Variants in SH3RF3 observed in about 807,000 individuals in gnomAD.
SH3RF3 encodes the protein SH3 domain containing ring finger 3.
A neutral mutation model predicts 66.3 loss-of-function variants in SH3RF3; 29 were observed. The ratio of observed to expected loss-of-function variants is 0.44; its 90% CI spans 0.33 to 0.60. The LOEUF is 0.60. Among genes scored for constraint, SH3RF3 ranks in the 20% least tolerant of loss-of-function variants. The probability of loss-of-function intolerance (pLI) is 0.04; values close to 1 mark genes in which losing one functional copy is unlikely to be tolerated. For missense variants in SH3RF3, 1,194 were observed against 1,190.9 expected, an observed-to-expected ratio of 1.00 and a Z score of -0.04; for synonymous variants, 583 against 532.0, an observed-to-expected ratio of 1.10 and a Z score of -1.32.
intron 1 of SH3RF3, among the ~76,000 whole-genome samples, chr2:109,165,463 G>A (rs966739796): frequency 6.6e-6 from 1 of 152,218 alleles, no homozygotes; most frequent in Non-Finnish European, 1.5e-5. Flanking sequence ...GATGGAAGGG[G>A]AATAGAGAGA....
intron 1 of SH3RF3, among the ~76,000 whole-genome samples, chr2:109,249,465 T>TTCTC (rs1326673748): frequency 5.0e-4 from 63 of 125,706 alleles, no homozygotes; most frequent in African/African-American, 1.5e-3. Context: ...CTTTCTCTCT[T>TTCTC]TCTCTTTCTT....
intron 1 of SH3RF3, among the ~76,000 whole-genome samples, chr2:109,190,895 A>G (rs1678337403): frequency 6.6e-6 from 1 of 151,648 alleles, no homozygotes; most frequent in Non-Finnish European, 1.5e-5. Context: ...TAATCAGAAA[A>G]TATGAAGAGT....
chr2:109,143,832 A>ACG (rs1397348500), intron 1 of SH3RF3, among the ~76,000 whole-genome samples: 3 of 151,826 alleles, frequency 2.0e-5, no homozygotes, highest in Non-Finnish European at 2.9e-5. Flanking sequence ...ACACACACAC[A>ACG]CGTATATACA....
chr2:109,294,581 A>G lies in SH3RF3; in HGVS notation c.574-53093A>G, dbSNP rs571350622. Among the ~76,000 whole-genome samples, 32 of 112,586 alleles carry G rather than the reference A, an allele frequency of 2.8e-4. 1 individual carries two copies. The highest frequency in any genetic ancestry group is 4.4e-3 in the Middle Eastern group (1 of 228). 73.9% of individuals were successfully genotyped at this position (112,586 alleles called of 152,430 possible). A position where few individuals can be genotyped will look rare whatever the true frequency, so the allele number is the denominator to read the frequency against. On this transcript the variant is annotated intron_variant, in intron 1 of 9. Transcript: ENST00000309415. ...GTCTCAAAAAAAAAAAATTAATTAA[A>G]AAAAAGGTAAAAAAAAAAAAAAGAA...
At chr2:109,181,144 C>G (rs1678063894) in intron 1 of SH3RF3, among the ~76,000 whole-genome samples, 2 of 152,174 alleles carry the variant, frequency 1.3e-5, no homozygotes, top group Non-Finnish European at 2.9e-5. Context: ...TCCAGCTCGT[C>G]TGTGTTTGGT....
At chr2:109,280,327 G>C (rs1431926925) in intron 1 of SH3RF3, among the ~76,000 whole-genome samples, 1 of 152,194 alleles carries the variant, frequency 6.6e-6, no homozygotes, top group Non-Finnish European at 1.5e-5. Context: ...GCCCAGAGAG[G>C]GGGCCCCACA....
At chr2:109,274,853 A>C (rs1008788178) in intron 1 of SH3RF3, among the ~76,000 whole-genome samples, 1 of 151,962 alleles carries the variant, frequency 6.6e-6, no homozygotes, top group African/African-American at 2.4e-5. Flanking sequence ...AGATTACCAT[A>C]ATGTAAAATT....
chr2:109,327,353 C>T (rs1170855055), intron 1 of SH3RF3, among the ~76,000 whole-genome samples: 3 of 152,158 alleles, frequency 2.0e-5, no homozygotes, highest in African/African-American at 4.8e-5. Context: ...GTGTCTGGAC[C>T]CTCCCTTCAG....
At chr2:109,432,453 A>T in intron 5 of SH3RF3, 48 bp from the exon 6 acceptor site, 2 of 1,605,196 alleles carry the variant, frequency 1.2e-6, no homozygotes, top group East Asian at 2.3e-5. Context: ...CCGGTCCCCT[A>T]TCCCCAGGAG....
intron 4 of SH3RF3, among the ~76,000 whole-genome samples, chr2:109,409,180 A>C (rs1676525556): frequency 6.6e-6 from 1 of 152,160 alleles, no homozygotes; most frequent in South Asian, 2.1e-4. Flanking sequence ...TTCCTTGTTA[A>C]GCTTTTGATC....
intron 1 of SH3RF3, among the ~76,000 whole-genome samples, chr2:109,201,922 C>T (rs753436235): frequency 6.6e-6 from 1 of 152,178 alleles, no homozygotes; most frequent in Non-Finnish European, 1.5e-5. Flanking sequence ...AATACAAGGA[C>T]CCGTGGCATC....
rs117634051 is a variant in SH3RF3 at position 109,299,192 on chromosome 2, G to A, written c.574-48482G>A. On this transcript the variant is annotated intron_variant, in intron 1 of 9. Transcript: ENST00000309415. ...CACGGGGCCTCCTCTGACCACTCCA[G>A]TTAAAACTGCGACCCTGCCTCCCCA... 4.7e-4 allele frequency among the ~76,000 whole-genome samples: 71 copies of A among 152,340 alleles called. 1 individual carries two copies. The East Asian group carries it at 0.012, about 26-fold the overall frequency.
intron 1 of SH3RF3, among the ~76,000 whole-genome samples, chr2:109,210,295 C>T (rs1325112242): frequency 6.6e-6 from 1 of 152,166 alleles, no homozygotes; most frequent in Non-Finnish European, 1.5e-5. Context: ...TGAGTCCTTG[C>T]TTTGAGTTTT....
At chr2:109,413,120 A>G (rs1481786988) in intron 4 of SH3RF3, among the ~76,000 whole-genome samples, 2 of 152,066 alleles carry the variant, frequency 1.3e-5, no homozygotes, top group East Asian at 1.9e-4. Context: ...ATTATTTTAT[A>G]TATATATTTT....
chr2:109,145,772 C>G (rs549479214), intron 1 of SH3RF3, among the ~76,000 whole-genome samples: 15 of 152,290 alleles, frequency 9.8e-5, no homozygotes, highest in South Asian at 4.1e-4. Flanking sequence ...AACCCAGGAG[C>G]AGTATTGGTT....
At chr2:109,366,679 T>G (rs1683157012) in intron 2 of SH3RF3, among the ~76,000 whole-genome samples, 1 of 152,092 alleles carries the variant, frequency 6.6e-6, no homozygotes. Context: ...TGAGACCTTG[T>G]CTCTACAAAT....
intron 8 of SH3RF3, among the ~76,000 whole-genome samples, chr2:109,481,938 C>T (rs1678847242): frequency 6.6e-6 from 1 of 152,182 alleles, no homozygotes; most frequent in Non-Finnish European, 1.5e-5. Context: ...TATGTGAATG[C>T]CTCTGTGCTC....
intron 1 of SH3RF3, among the ~76,000 whole-genome samples, chr2:109,236,856 G>T (rs1462584682): frequency 6.6e-6 from 1 of 152,166 alleles, no homozygotes; most frequent in Non-Finnish European, 1.5e-5. Flanking sequence ...ACAGTCTCCG[G>T]CTGTGAAACG....
intron 3 of SH3RF3, among the ~76,000 whole-genome samples, chr2:109,372,733 C>T (rs1431078288): frequency 6.6e-6 from 1 of 152,194 alleles, no homozygotes; most frequent in Non-Finnish European, 1.5e-5. Flanking sequence ...TGCCTCTCCA[C>T]TGTCTCTGGC....
Sources: gnomAD v4.1 joint callset for allele counts (sites outside exome capture counted in the v4.1 genomes callset) on GRCh38, gnomAD v4.1.1 for gene constraint, MANE v1.5 for transcripts, NCBI Gene and HGNC (gene_info 2026-07-23, HGNC 2026-07-21) for gene names.